Variants in MICU3 observed in about 807,000 individuals in gnomAD.
MICU3 encodes calcium uptake protein 3, mitochondrial.
A neutral mutation model predicts 66.5 loss-of-function variants in MICU3; 62 were observed. The observed-to-expected ratio is 0.93, with a 90% confidence interval of 0.76 to 1.15. The LOEUF is 1.15. MICU3 is among the 50% of genes most tolerant of loss of function. The pLI is 0.00. For missense variants in MICU3, 779 were observed against 664.4 expected, an observed-to-expected ratio of 1.17 and a Z score of -1.90; for synonymous variants, 308 against 240.7, an observed-to-expected ratio of 1.28 and a Z score of -2.59.
At chr8:17,053,661 A>C (rs976180855) in intron 1 of MICU3, among the ~76,000 whole-genome samples, 5 of 152,172 alleles carry the variant, frequency 3.3e-5, no homozygotes, top group Non-Finnish European at 7.3e-5. Context: ...GACTTAAAGC[A>C]TCCACCAAGT....
intron 6 of MICU3, among the ~76,000 whole-genome samples, chr8:17,085,715 TC>T: frequency 6.6e-6 from 1 of 152,184 alleles, no homozygotes; most frequent in South Asian, 2.1e-4. Flanking sequence ...GTTTTTTCTT[TC>T]TCTTTTCTCT....
At chr8:17,112,059 T>C (rs1321138098) in intron 11 of MICU3, among the ~76,000 whole-genome samples, 2 of 152,002 alleles carry the variant, frequency 1.3e-5, no homozygotes, top group African/African-American at 2.4e-5. Context: ...GAGAACAGCA[T>C]GGGGTGAACT....
chr8:17,060,678 C>T (rs1380040712), intron 1 of MICU3, among the ~76,000 whole-genome samples: 6 of 152,136 alleles, frequency 3.9e-5, no homozygotes, highest in Non-Finnish European at 7.3e-5. Flanking sequence ...AGACTGTGTG[C>T]TTTATTATAC....
intron 6 of MICU3, among the ~76,000 whole-genome samples, chr8:17,086,637 G>A (rs566442171): frequency 6.6e-6 from 1 of 152,164 alleles, no homozygotes; most frequent in South Asian, 2.1e-4. Flanking sequence ...TGTCCATACT[G>A]CCAAGTTCCA....
chr8:17,124,530 G>T (rs952885135), downstream of MICU3, among the ~76,000 whole-genome samples: 1 of 151,930 alleles, frequency 6.6e-6, no homozygotes, highest in African/African-American at 2.4e-5. Flanking sequence ...TGTCCTCTAG[G>T]CCTGGCCCAG....
chr8:17,046,703 A>G (rs1018402120), intron 1 of MICU3, among the ~76,000 whole-genome samples: 1 of 152,036 alleles, frequency 6.6e-6, no homozygotes, highest in Non-Finnish European at 1.5e-5. Context: ...TGGAAGTGAG[A>G]TGCCACCTAC....
At chr8:17,060,103 T>A (rs747301130) in intron 1 of MICU3, among the ~76,000 whole-genome samples, 3 of 152,198 alleles carry the variant, frequency 2.0e-5, no homozygotes, top group Non-Finnish European at 2.9e-5. Context: ...AGTATGGTAT[T>A]TGAGTAGAAA....
At chr8:17,131,974 C>T in the MICU3 span, 1 of 152,164 alleles carries the variant, frequency 6.6e-6, no homozygotes, top group East Asian at 1.9e-4. Flanking sequence ...TCTACGCACA[C>T]TTGAATGCCA....
At chr8:17,053,258 G>C (rs1361972119) in intron 1 of MICU3, among the ~76,000 whole-genome samples, 2 of 152,108 alleles carry the variant, frequency 1.3e-5, no homozygotes, top group Admixed American at 1.3e-4. Flanking sequence ...GCCTCTTTTA[G>C]GGTATTATCA....
intron 14 of MICU3, among the ~76,000 whole-genome samples, chr8:17,119,152 A>G (rs1009859597): frequency 1.3e-5 from 2 of 152,148 alleles, no homozygotes; most frequent in Admixed American, 6.6e-5. Context: ...TAATTCTCAC[A>G]GATATCCCAT....
chr8:17,107,547 T>C (rs1801842980), intron 11 of MICU3, among the ~76,000 whole-genome samples: 1 of 152,016 alleles, frequency 6.6e-6, no homozygotes, highest in Non-Finnish European at 1.5e-5. Flanking sequence ...GGGAAGCCAC[T>C]ATAGTATTTA....
At chr8:17,061,817 G>T (rs1457588641) in intron 1 of MICU3, among the ~76,000 whole-genome samples, 1 of 152,198 alleles carries the variant, frequency 6.6e-6, no homozygotes, top group African/African-American at 2.4e-5. Flanking sequence ...ATGGTAGTCT[G>T]ATCCCCGAGG....
intron 1 of MICU3, among the ~76,000 whole-genome samples, chr8:17,057,428 G>T (rs1817116857): frequency 6.6e-6 from 1 of 152,092 alleles, no homozygotes; most frequent in Non-Finnish European, 1.5e-5. Context: ...AACAGGATTG[G>T]TTCCAAAACT....
chr8:17,057,039 A>T (rs12548528), intron 1 of MICU3, among the ~76,000 whole-genome samples: 10,144 of 152,290 alleles, frequency 0.067, 480 homozygotes, highest in East Asian at 0.22. Flanking sequence ...AGGTTAAGCT[A>T]AGAGTTTGGT....
chr8:17,114,847 C>T (rs898555163), intron 12 of MICU3, among the ~76,000 whole-genome samples: 32 of 151,908 alleles, frequency 2.1e-4, no homozygotes, highest in Admixed American at 9.2e-4. Context: ...AGGCCGGGCG[C>T]GGTGGCTCAC....
At chr8:17,093,954 A>T (rs1800373758) in intron 8 of MICU3, among the ~76,000 whole-genome samples, 1 of 152,054 alleles carries the variant, frequency 6.6e-6, no homozygotes, top group Non-Finnish European at 1.5e-5. Context: ...ATAGATCAAG[A>T]AGTAAAATAT....
chr8:17,092,310 C>A (rs1337686189), intron 8 of MICU3, among the ~76,000 whole-genome samples: 1 of 151,644 alleles, frequency 6.6e-6, no homozygotes. Flanking sequence ...TAGAAAAATA[C>A]GTCTCAGAAT....
At chr8:17,122,858 C>G (rs907338344), downstream of MICU3, among the ~76,000 whole-genome samples, 3 of 151,438 alleles carry the variant, frequency 2.0e-5, no homozygotes, top group Admixed American at 2.0e-4. Context: ...TGTAGGAATT[C>G]CTAAATTATA....
chr8:17,128,673 G>A, the MICU3 span, among the ~76,000 whole-genome samples: 1,798 of 152,278 alleles, frequency 0.012, 22 homozygotes, highest in Non-Finnish European at 0.019. Context: ...TGAAAGAAGG[G>A]AAAACTATGT....
Sources: allele counts gnomAD v4.1 joint callset (sites outside exome capture counted in the v4.1 genomes callset), GRCh38; gene constraint gnomAD v4.1.1; transcripts MANE v1.5; gene names NCBI Gene and HGNC (gene_info 2026-07-23, HGNC 2026-07-21).